Variants in HDAC4 observed in about 807,000 individuals in gnomAD.
HDAC4 encodes histone deacetylase A.
A neutral mutation model predicts 135.1 loss-of-function variants in HDAC4; 16 were observed. That is an observed-to-expected ratio of 0.12 (90% confidence interval 0.08 to 0.18). The LOEUF (loss-of-function observed/expected upper bound fraction) is 0.18, where lower values mean the gene tolerates loss of function less well. Among genes scored for constraint, HDAC4 ranks in the 10% least tolerant of loss-of-function variants. The probability of loss-of-function intolerance (pLI) is 1.00; values close to 1 mark genes in which losing one functional copy is unlikely to be tolerated. For missense variants in HDAC4, 1,143 were observed against 1,511.8 expected (o/e 0.76, Z 4.05); for synonymous variants, 685 against 653.4 (o/e 1.05, Z -0.74).
intron 1 of HDAC4, among the ~76,000 whole-genome samples, chr2:239,356,315 G>A (rs1693486334): frequency 6.6e-6 from 1 of 152,180 alleles, no homozygotes; most frequent in African/African-American, 2.4e-5. Flanking sequence ...CTATATCAGT[G>A]AGCATATCAA....
At chr2:239,169,328 C>T (rs551042136) in intron 5 of HDAC4, among the ~76,000 whole-genome samples, 9 of 152,344 alleles carry the variant, frequency 5.9e-5, no homozygotes, top group Middle Eastern at 3.4e-3. Flanking sequence ...TGCTTGGGCC[C>T]GTGGCGCACA....
intron 2 of HDAC4, among the ~76,000 whole-genome samples, chr2:239,252,699 G>T (rs2048850328): frequency 6.6e-6 from 1 of 152,180 alleles, no homozygotes; most frequent in African/African-American, 2.4e-5. Context: ...AAACCAGAGG[G>T]CAGTCAATAG....
intron 2 of HDAC4, among the ~76,000 whole-genome samples, chr2:239,336,198 T>C (rs951487753): frequency 6.6e-6 from 1 of 152,144 alleles, no homozygotes. Flanking sequence ...AGAAGTGGTA[T>C]CTAGAGGGTG....
chr2:239,380,514 C>G (rs762385409), intron 1 of HDAC4, among the ~76,000 whole-genome samples: 22 of 152,104 alleles, frequency 1.4e-4, no homozygotes, highest in Non-Finnish European at 3.1e-4. Context: ...CCTTGTGTTT[C>G]AGAAGAACCA....
intron 12 of HDAC4, among the ~76,000 whole-genome samples, chr2:239,118,701 C>T (rs902919010): frequency 3.3e-5 from 5 of 152,146 alleles, no homozygotes; most frequent in African/African-American, 9.7e-5. Flanking sequence ...ATCATCACGC[C>T]GTACGCTGTA....
In HDAC4 at chr2:239,156,642, G is replaced by C; in HGVS notation, c.733+10C>G. 6.2e-7 allele frequency: 1 copy of C among 1,614,082 alleles called. No individual in the cohort carries two copies. The highest frequency in any genetic ancestry group is 8.5e-7 in the Non-Finnish European group (1 of 1,179,976). On this transcript the variant is annotated intron_variant, in intron 7 of 26. Coordinates refer to ENST00000543185, the MANE Select transcript of HDAC4 (RefSeq NM_001378414.1). ...AGACCTCCCGGCCCACAGCATGCCTGGGCACTGACCTGTTTTCCTAAGAGG... is the reference window on the plus strand; with the variant it reads ...AGACCTCCCGGCCCACAGCATGCCTCGGCACTGACCTGTTTTCCTAAGAGG...
At chr2:239,211,467 G>A (rs1431135651) in intron 3 of HDAC4, among the ~76,000 whole-genome samples, 1 of 152,182 alleles carries the variant, frequency 6.6e-6, no homozygotes, top group Non-Finnish European at 1.5e-5. Context: ...GTCAAATGAG[G>A]ATGAAGAAAT....
At chr2:239,158,773 G>C (rs1364381418) in intron 6 of HDAC4, among the ~76,000 whole-genome samples, 2 of 152,072 alleles carry the variant, frequency 1.3e-5, no homozygotes, top group Admixed American at 6.6e-5. Context: ...CGTCAGGGCA[G>C]GTCACACCCG....
chr2:239,193,121 G>T (rs1038746559), intron 3 of HDAC4, among the ~76,000 whole-genome samples: 4 of 152,168 alleles, frequency 2.6e-5, no homozygotes, highest in African/African-American at 9.7e-5. Flanking sequence ...TCCCTGTGTG[G>T]GGGGCCTGGG....
intron 2 of HDAC4, among the ~76,000 whole-genome samples, chr2:239,259,718 C>A (rs978617863): frequency 6.6e-6 from 1 of 152,190 alleles, no homozygotes; most frequent in Non-Finnish European, 1.5e-5. Flanking sequence ...AGTGACAAAA[C>A]CAAAACCTGG....
chr2:239,212,434 C>T (rs2046395460), intron 3 of HDAC4, among the ~76,000 whole-genome samples: 1 of 152,128 alleles, frequency 6.6e-6, no homozygotes, highest in East Asian at 1.9e-4. Flanking sequence ...TCTCCAAAAA[C>T]ACAGATCCCA....
rs901198951 is a variant in HDAC4, at chr2:239,106,954, G to T, written c.2112+1096C>A. Among the ~76,000 whole-genome samples, 4 of 152,160 alleles carry T rather than the reference G, an allele frequency of 2.6e-5. No homozygotes were observed. In the South Asian group the frequency reaches 6.2e-4, roughly 24 times the overall value. On this transcript the variant is annotated intron_variant, in intron 15 of 26. Coordinates refer to ENST00000543185, the MANE Select transcript of HDAC4 (RefSeq NM_001378414.1). ...TAGGATGGTGGGATTCCTGGTGTGGGGAGTGGACATAGCAGGTCTCTACTG... is the reference window on the plus strand; with the variant it reads ...TAGGATGGTGGGATTCCTGGTGTGGTGAGTGGACATAGCAGGTCTCTACTG...
intron 24 of HDAC4, among the ~76,000 whole-genome samples, chr2:239,065,242 G>A (rs62189530): frequency 0.17 from 25,149 of 152,178 alleles, 2,184 homozygotes; most frequent in African/African-American, 0.18. Context: ...ACCCAGGGGC[G>A]TGCAAGGCAC....
chr2:239,319,212 T>G (rs1400479510), intron 2 of HDAC4, among the ~76,000 whole-genome samples: 2 of 152,170 alleles, frequency 1.3e-5, no homozygotes, highest in Non-Finnish European at 2.9e-5. Flanking sequence ...AGCAAGCAAG[T>G]AATATCCACA....
intron 2 of HDAC4, among the ~76,000 whole-genome samples, chr2:239,241,026 G>A (rs188712881): frequency 6.6e-6 from 1 of 152,150 alleles, no homozygotes; most frequent in African/African-American, 2.4e-5. Context: ...TGGGGAAATG[G>A]CCTCAAGGGC....
chr2:239,393,990 C>A (rs1434035267), intron 1 of HDAC4, among the ~76,000 whole-genome samples: 2 of 149,762 alleles, frequency 1.3e-5, no homozygotes, highest in African/African-American at 5.0e-5. Flanking sequence ...CCCAACCCCA[C>A]CACCAGGGAG....
chr2:239,270,931 T>C (rs1161167612), intron 2 of HDAC4, among the ~76,000 whole-genome samples: 2 of 152,198 alleles, frequency 1.3e-5, no homozygotes, highest in Non-Finnish European at 1.5e-5. Flanking sequence ...TTCAGAAACA[T>C]GGCAAATATG....
At chr2:239,148,878 GC>G (rs1211190227) in intron 7 of HDAC4, among the ~76,000 whole-genome samples, 6 of 152,166 alleles carry the variant, frequency 3.9e-5, no homozygotes, top group Admixed American at 6.5e-5. Context: ...TGAAATGTGG[GC>G]CTGAATTGAT....
At chr2:239,227,484 C>T (rs72988632) in intron 3 of HDAC4, among the ~76,000 whole-genome samples, 13,131 of 152,250 alleles carry the variant, frequency 0.086, 814 homozygotes, top group Non-Finnish European at 0.13. Flanking sequence ...CTGCAGGTCC[C>T]GCCAGCCTCA....
Sources: allele counts gnomAD v4.1 joint callset (sites outside exome capture counted in the v4.1 genomes callset), GRCh38; gene constraint gnomAD v4.1.1; transcripts MANE v1.5; gene names NCBI Gene and HGNC (gene_info 2026-07-23, HGNC 2026-07-21).